DGKB: variants seen among roughly 807,000 people sequenced by gnomAD.
The protein encoded by DGKB is 90 kDa diacylglycerol kinase.
A neutral mutation model predicts 114.3 loss-of-function variants in DGKB; 67 were observed. That is an observed-to-expected ratio of 0.59 (90% confidence interval 0.48 to 0.72). DGKB has a LOEUF of 0.72. Ranked by LOEUF, DGKB falls within the 30% of genes least tolerant of loss-of-function variation. The pLI is 0.00. For synonymous variants in DGKB, 398 were observed against 323.1 expected (o/e 1.23, Z -2.49); for missense variants, 907 against 975.2 (o/e 0.93, Z 0.93).
chr7:14,480,219 A>G lies in DGKB; in HGVS notation c.1771-1994T>C, dbSNP rs553536846. Among the ~76,000 whole-genome samples the G allele has an allele frequency of 2.0e-5, 3 of 152,176 alleles. No homozygotes were observed. The South Asian group carries it at 6.2e-4, about 32-fold the overall frequency. On this transcript the variant is annotated intron_variant, in intron 20 of 25. Coordinates refer to ENST00000402815, the MANE Select transcript of DGKB (RefSeq NM_001350709.2). ...TAATTGGGTAAACTCCTAGAAACACAGGACTACATAGCCAAAGATAGAACT... is the reference window on the plus strand; with the variant it reads ...TAATTGGGTAAACTCCTAGAAACACGGGACTACATAGCCAAAGATAGAACT...
chr7:14,634,641 G>A (rs969104285), intron 13 of DGKB, among the ~76,000 whole-genome samples: 7 of 151,082 alleles, frequency 4.6e-5, no homozygotes, highest in African/African-American at 1.7e-4. Context: ...AGTAGTAAGA[G>A]ACAGAGAAAA....
chr7:14,738,828 T>A (rs1318324669), intron 4 of DGKB, among the ~76,000 whole-genome samples: 1 of 152,220 alleles, frequency 6.6e-6, no homozygotes, highest in African/African-American at 2.4e-5. Context: ...TTTCTCTGGA[T>A]CTGCTTTTGG....
At chr7:14,830,314 C>T (rs1243579356) in intron 2 of DGKB, among the ~76,000 whole-genome samples, 1 of 151,860 alleles carries the variant, frequency 6.6e-6, no homozygotes, top group African/African-American at 2.4e-5. Context: ...CAGACTTCCT[C>T]TTTGAATTCC....
chr7:14,194,647 G>A (rs188004304), intron 23 of DGKB, among the ~76,000 whole-genome samples: 179 of 152,166 alleles, frequency 1.2e-3, no homozygotes, highest in African/African-American at 4.2e-3. Flanking sequence ...TGTTATATAT[G>A]TATGCAGAAA....
Position 14,725,100 on chromosome 7 carries a change from A to G in DGKB, c.323-6415T>C, listed in dbSNP as rs1355499861. On this transcript the variant is annotated intron_variant, in intron 5 of 25. Coordinates refer to ENST00000402815, the MANE Select transcript of DGKB (RefSeq NM_001350709.2). ...GCAAGAGGATCACTTGAGCCCAGCA[A>G]TTCAAAGTTACAGTAAGCTATGATC... Among the ~76,000 whole-genome samples the G allele has an allele frequency of 3.9e-5, 6 of 152,148 alleles. No homozygotes were observed. In the South Asian group the frequency reaches 6.2e-4, roughly 16 times the overall value.
intron 2 of DGKB, among the ~76,000 whole-genome samples, chr7:14,798,486 C>T (rs889139033): frequency 6.6e-6 from 1 of 152,142 alleles, no homozygotes; most frequent in Non-Finnish European, 1.5e-5. Flanking sequence ...ACCTCCTTTA[C>T]ATGTTGATAA....
At chr7:14,690,377 T>C (rs1822615728) in intron 9 of DGKB, among the ~76,000 whole-genome samples, 2 of 152,222 alleles carry the variant, frequency 1.3e-5, no homozygotes, top group Admixed American at 1.3e-4. Context: ...CGTTCACTGC[T>C]CCTATGCTTT....
chr7:14,326,238 G>T (rs1238798321), intron 23 of DGKB, among the ~76,000 whole-genome samples: 1 of 152,096 alleles, frequency 6.6e-6, no homozygotes, highest in East Asian at 1.9e-4. Flanking sequence ...AAAGCAGCCT[G>T]GGTAAGTTGA....
At chr7:14,150,078 A>G (rs1227354512) in intron 25 of DGKB, among the ~76,000 whole-genome samples, 1 of 152,144 alleles carries the variant, frequency 6.6e-6, no homozygotes, top group Non-Finnish European at 1.5e-5. Context: ...TGTGACTTTA[A>G]GATACATTGT....
intron 1 of DGKB, among the ~76,000 whole-genome samples, chr7:14,852,490 A>AAAAAAAAAAACAAAACAAAAC (rs1554304291): frequency 8.7e-5 from 13 of 149,432 alleles, no homozygotes; most frequent in Non-Finnish European, 1.6e-4. Context: ...TGAAAGTCAA[A>AAAAAAAAAAACAAAACAAAAC]AAAAAAACAG....
intron 22 of DGKB, among the ~76,000 whole-genome samples, chr7:14,343,431 A>G (rs942695646): frequency 6.6e-6 from 1 of 151,744 alleles, no homozygotes; most frequent in Non-Finnish European, 1.5e-5. Context: ...GATCAAAACC[A>G]CTTAATTTTA....
intron 2 of DGKB, among the ~76,000 whole-genome samples, chr7:14,777,383 G>C (rs1057052202): frequency 6.6e-6 from 1 of 152,044 alleles, no homozygotes; most frequent in Non-Finnish European, 1.5e-5. Flanking sequence ...ACATGGTTTG[G>C]CTATGTCACC....
intron 23 of DGKB, among the ~76,000 whole-genome samples, chr7:14,250,258 C>A (rs1252966224): frequency 6.6e-6 from 1 of 151,854 alleles, no homozygotes; most frequent in East Asian, 1.9e-4. Flanking sequence ...CATGAGCCAC[C>A]ATGCCTGGTT....
At chr7:14,150,536 G>A (rs1455272737) in intron 25 of DGKB, among the ~76,000 whole-genome samples, 1 of 152,022 alleles carries the variant, frequency 6.6e-6, no homozygotes, top group Non-Finnish European at 1.5e-5. Flanking sequence ...AAGTCTGCTG[G>A]AATCAGGTTA....
At chr7:14,934,138 A>G (rs961327966) in intron 1 of DGKB, among the ~76,000 whole-genome samples, 1 of 152,190 alleles carries the variant, frequency 6.6e-6, no homozygotes, top group African/African-American at 2.4e-5. Flanking sequence ...TCTGGGTTCA[A>G]TAAACAAGAT....
chr7:14,360,862 TA>T (rs1195757978), intron 21 of DGKB, among the ~76,000 whole-genome samples: 1 of 152,140 alleles, frequency 6.6e-6, no homozygotes, highest in African/African-American at 2.4e-5. Context: ...GGCCAGTTAA[TA>T]CTTTTCAATT....
intron 5 of DGKB, among the ~76,000 whole-genome samples, chr7:14,727,053 C>A (rs1830133004): frequency 6.6e-6 from 1 of 152,068 alleles, no homozygotes; most frequent in Admixed American, 6.6e-5. Context: ...CTCTTATTTC[C>A]TTTTGCTAGA....
intron 20 of DGKB, among the ~76,000 whole-genome samples, chr7:14,490,506 T>TG (rs1784452083): frequency 6.6e-6 from 1 of 152,132 alleles, no homozygotes; most frequent in Admixed American, 6.6e-5. Context: ...TAACTAGAAA[T>TG]GGTTATCTAG....
chr7:14,411,066 G>A (rs1412671080), intron 21 of DGKB, among the ~76,000 whole-genome samples: 2 of 152,128 alleles, frequency 1.3e-5, no homozygotes, highest in African/African-American at 2.4e-5. Context: ...GCAGGTTTCT[G>A]CAGCTCCCAG....
Sources: allele counts gnomAD v4.1 joint callset (sites outside exome capture counted in the v4.1 genomes callset), GRCh38; gene constraint gnomAD v4.1.1; transcripts MANE v1.5; gene names NCBI Gene and HGNC (gene_info 2026-07-23, HGNC 2026-07-21).